RCL1: variants seen among roughly 807,000 people sequenced by gnomAD.
RCL1 encodes RNA 3'-terminal phosphate cyclase-like protein.
A neutral mutation model predicts 42.4 loss-of-function variants in RCL1; 24 were observed. The ratio of observed to expected loss-of-function variants is 0.57; its 90% CI spans 0.41 to 0.80. The LOEUF is 0.80. RCL1 is among the 30% of genes least tolerant of loss of function. The pLI is 0.00. For synonymous variants in RCL1, 228 were observed against 177.3 expected (o/e 1.29, Z -2.27); for missense variants, 578 against 467.9 (o/e 1.24, Z -2.17).
chr9:4,798,641 A>G (rs992043344), intron 1 of RCL1, among the ~76,000 whole-genome samples: 1 of 152,254 alleles, frequency 6.6e-6, no homozygotes, highest in Non-Finnish European at 1.5e-5. Context: ...TTTTGGGAAT[A>G]AATCTGGCTG....
At chr9:4,823,477 C>G in intron 1 of RCL1, 71 bp from the exon 2 acceptor site, 1 of 1,197,292 alleles carries the variant, frequency 8.4e-7, no homozygotes, top group Non-Finnish European at 1.2e-6. Context: ...CAGGCATGTG[C>G]TCTGGAAATG....
intron 6 of RCL1, among the ~76,000 whole-genome samples, chr9:4,843,905 T>C (rs1817418663): frequency 6.6e-6 from 1 of 152,196 alleles, no homozygotes; most frequent in African/African-American, 2.4e-5. Flanking sequence ...CAGTGTTAGA[T>C]TGTTAAGCAT....
At chr9:4,816,478 A>G (rs1252061933) in intron 1 of RCL1, among the ~76,000 whole-genome samples, 1 of 152,214 alleles carries the variant, frequency 6.6e-6, no homozygotes, top group Non-Finnish European at 1.5e-5. Flanking sequence ...TTGACTGAGA[A>G]ATAGATACCA....
intron 1 of RCL1, among the ~76,000 whole-genome samples, chr9:4,811,057 G>A (rs1032987738): frequency 2.0e-5 from 3 of 152,136 alleles, no homozygotes; most frequent in Middle Eastern, 3.4e-3. Flanking sequence ...TTCAAAATCT[G>A]TTCTAGCTAT....
At chr9:4,796,536 C>CACAACT (rs1842917019) in intron 1 of RCL1, among the ~76,000 whole-genome samples, 1 of 152,176 alleles carries the variant, frequency 6.6e-6, no homozygotes, top group Admixed American at 6.5e-5. Flanking sequence ...GCTGGAACTA[C>CACAACT]AGATGTGTAC....
intron 7 of RCL1, 123 bp downstream of exon 7, chr9:4,844,804 G>C (rs1177116030): frequency 2.1e-6 from 2 of 948,256 alleles, no homozygotes; most frequent in Non-Finnish European, 3.1e-6. Flanking sequence ...CTGTTCCTGT[G>C]CATTAAGCAG....
intron 5 of RCL1, among the ~76,000 whole-genome samples, chr9:4,837,230 T>C (rs1817169741): frequency 1.3e-5 from 2 of 152,162 alleles, no homozygotes; most frequent in Admixed American, 1.3e-4. Context: ...TATTCCACCA[T>C]ATATAGAACC....
At chr9:4,824,447 C>T (rs367956845) in intron 2 of RCL1, among the ~76,000 whole-genome samples, 22 of 149,636 alleles carry the variant, frequency 1.5e-4, no homozygotes, top group African/African-American at 4.7e-4. Flanking sequence ...GCAGGTCTTC[C>T]TTAATATTTC....
chr9:4,793,086 G>A lies in RCL1; in HGVS notation c.-6G>A, dbSNP rs200571971. The A allele has an allele frequency of 1.6e-3, 2,546 of 1,607,626 alleles. 3 individuals are homozygous for A. Among genetic ancestry groups the A allele is most frequent in the Middle Eastern group, 3.8e-3 (23 of 5,996 alleles). ...GGCTGCTCACGTCTCTTCGGAGAGC[G>A]CGCACATGGCGACTCAGGCGCACTC... is the stretch of plus-strand genomic sequence containing the variant. On this transcript the variant is annotated 5_prime_UTR_variant, in exon 1 of 9. Transcript: ENST00000381750.
intron 1 of RCL1, among the ~76,000 whole-genome samples, chr9:4,798,590 C>T (rs1277890936): frequency 6.6e-6 from 1 of 152,168 alleles, no homozygotes. Flanking sequence ...ACAAAGAGGT[C>T]CTTTGAAAGG....
At chr9:4,846,290 T>C (rs79827674) in intron 7 of RCL1, among the ~76,000 whole-genome samples, 2,787 of 152,302 alleles carry the variant, frequency 0.018, 85 homozygotes, top group African/African-American at 0.064. Context: ...CCTATAGTTT[T>C]ATTTTCAGGA....
chr9:4,841,303 T>G lies in RCL1; in HGVS notation c.656T>G (p.Phe219Cys), dbSNP rs1460722389. ...VDSARSILNK[F>C]IPDIYIYTDH... is the part of the protein sequence containing the mutation. ...TCTGCAAGGAGCATCCTCAACAAGT[T>G]CATACCTGATATCTATATTTACACA... The change falls in exon 6 of 9, where the codon TTC (phenylalanine) becomes TGC (cysteine). Residue 219 changes from phenylalanine (F) to cysteine (C), a missense_variant. By Grantham distance (205) the Phe-to-Cys change is radical. Coordinates refer to ENST00000381750, the MANE Select transcript of RCL1 (RefSeq NM_005772.5). The G allele has an allele frequency of 1.2e-6, 2 of 1,613,044 alleles. No individual in the cohort carries two copies. The highest frequency in any genetic ancestry group is 1.7e-6 in the Non-Finnish European group (2 of 1,179,148).
chr9:4,839,910 G>A, intron 5 of RCL1: 4 of 985,714 alleles, frequency 4.1e-6, no homozygotes, highest in Non-Finnish European at 4.8e-6. Flanking sequence ...GGTTTCAGGA[G>A]AGAGATTGGG....
intron 1 of RCL1, among the ~76,000 whole-genome samples, chr9:4,800,555 T>C (rs185306699): frequency 1.3e-5 from 2 of 152,148 alleles, no homozygotes; most frequent in African/African-American, 4.8e-5. Context: ...TCTTCCTTTC[T>C]CTGGAATAAA....
At chr9:4,827,924 C>T (rs986084753) in intron 3 of RCL1, among the ~76,000 whole-genome samples, 4 of 152,052 alleles carry the variant, frequency 2.6e-5, no homozygotes, top group Non-Finnish European at 4.4e-5. Context: ...CAGTGGCTTA[C>T]GCCTGTAATC....
In RCL1 at chr9:4,826,937, G is replaced by C. The variant is rs1453498477; in HGVS notation, c.288G>C (p.Gly96=). The C allele has an allele frequency of 1.9e-6, 3 of 1,614,128 alleles. No homozygotes were observed. In the South Asian group the frequency reaches 3.3e-5, roughly 18 times the overall value. Residue 96 remains glycine, a synonymous_variant, in exon 3 of 9, where the codon GGG becomes GGC. Transcript: ENST00000381750. ...EHDCSVLRGI[G]YYLESLLCLA... ...ACTGTAGCGTCCTTCGTGGCATTGG[G>C]TATTACCTGGAGAGTCTTCTTTGCT...
At chr9:4,826,743 G>T in intron 2 of RCL1, 115 bp from the exon 3 acceptor site, 1 of 865,260 alleles carries the variant, frequency 1.2e-6, no homozygotes, top group Non-Finnish European at 1.8e-6. Flanking sequence ...ATGGCATTTC[G>T]AGCACTCTTG....
intron 5 of RCL1, among the ~76,000 whole-genome samples, chr9:4,835,936 C>T (rs1049295061): frequency 1.8e-4 from 27 of 152,100 alleles, no homozygotes; most frequent in African/African-American, 5.3e-4. Flanking sequence ...CACAGGCATA[C>T]GGTAAGGGTG....
In RCL1 at chr9:4,814,244, A is replaced by C. The variant is rs867951743; in HGVS notation, c.137-9304A>C. On this transcript the variant is annotated intron_variant, in intron 1 of 8. Transcript: ENST00000381750. ...TTGTGTTGAGGTGTGTTCTTTCTAT[A>C]CCTAACGTAAGAGTTTTTATCATGA... 2.6e-5 allele frequency among the ~76,000 whole-genome samples: 3 copies of C among 114,164 alleles called. 1 individual carries two copies. Among genetic ancestry groups the C allele is most frequent in the Non-Finnish European group, 6.1e-5 (3 of 49,138 alleles). The allele number at this position is 114,164 out of a possible 152,430, so 74.9% of individuals were successfully genotyped here.
Sources: gnomAD v4.1 joint callset for allele counts (sites outside exome capture counted in the v4.1 genomes callset) on GRCh38, gnomAD v4.1.1 for gene constraint, MANE v1.5 for transcripts, NCBI Gene and HGNC (gene_info 2026-07-23, HGNC 2026-07-21) for gene names.